The following ERC1 variants were observed in gnomAD, a reference collection of about 807,000 sequenced individuals.
The protein encoded by ERC1 is ELKS/RAB6-interacting/CAST family member 1, also known as RAB6 interacting protein 2.
A neutral mutation model predicts 132.0 loss-of-function variants in ERC1; 56 were observed. The ratio of observed to expected loss-of-function variants is 0.42; its 90% CI spans 0.34 to 0.53. The LOEUF is 0.53. Among genes scored for constraint, ERC1 ranks in the 20% least tolerant of loss-of-function variants. The probability of loss-of-function intolerance (pLI) is 0.03; values close to 1 mark genes in which losing one functional copy is unlikely to be tolerated. For synonymous variants in ERC1, 478 were observed against 476.1 expected, an observed-to-expected ratio of 1.00 and a Z score of -0.05; for missense variants, 1,202 against 1,349.9, an observed-to-expected ratio of 0.89 and a Z score of 1.72.
At chr12:1,454,845 A>G (rs2093496717) in intron 18 of ERC1, among the ~76,000 whole-genome samples, 2 of 152,218 alleles carry the variant, frequency 1.3e-5, no homozygotes, top group African/African-American at 4.8e-5. Flanking sequence ...GTCTCATACT[A>G]CTTAGGCTGT....
At chr12:1,450,015 T>C (rs2093390226) in intron 18 of ERC1, among the ~76,000 whole-genome samples, 1 of 152,190 alleles carries the variant, frequency 6.6e-6, no homozygotes, top group Admixed American at 6.5e-5. Flanking sequence ...TCAGGTATAG[T>C]ATTGGAATCT....
chr12:1,106,817 T>C (rs1242867088), intron 4 of ERC1, among the ~76,000 whole-genome samples: 3 of 152,214 alleles, frequency 2.0e-5, no homozygotes, highest in African/African-American at 7.2e-5. Context: ...CGAGTAATAG[T>C]ATTACTTGGT....
chr12:1,137,316 C>T (rs953732209), intron 7 of ERC1, among the ~76,000 whole-genome samples: 1 of 151,344 alleles, frequency 6.6e-6, no homozygotes, highest in African/African-American at 2.4e-5. Context: ...CCAGGATGGT[C>T]TCTATCTCCT....
At chr12:1,325,781 A>T (rs1352876446) in intron 15 of ERC1, among the ~76,000 whole-genome samples, 1 of 152,142 alleles carries the variant, frequency 6.6e-6, no homozygotes, top group Admixed American at 6.5e-5. Context: ...CATTTCTTTC[A>T]TGAGTATAGT....
chr12:1,446,815 A>G (rs1217102530), intron 18 of ERC1, among the ~76,000 whole-genome samples: 1 of 152,210 alleles, frequency 6.6e-6, no homozygotes, highest in African/African-American at 2.4e-5. Context: ...TGACATAGGA[A>G]TTTTAATCTC....
intron 13 of ERC1, among the ~76,000 whole-genome samples, chr12:1,240,623 T>A (rs1184990649): frequency 6.6e-6 from 1 of 152,194 alleles, no homozygotes; most frequent in Non-Finnish European, 1.5e-5. Context: ...TCCAAGTAAC[T>A]CTTTTTTCAT....
At chr12:1,055,542 A>G (rs890202116) in intron 2 of ERC1, among the ~76,000 whole-genome samples, 1 of 152,214 alleles carries the variant, frequency 6.6e-6, no homozygotes, top group African/African-American at 2.4e-5. Flanking sequence ...TATATCTTAA[A>G]TTATGTAATG....
chr12:1,143,958 T>A (rs1279070487), intron 8 of ERC1, among the ~76,000 whole-genome samples: 1 of 152,120 alleles, frequency 6.6e-6, no homozygotes, highest in Non-Finnish European at 1.5e-5. Flanking sequence ...CTCTTAAAGG[T>A]TTGGATTTTT....
chr12:1,234,656 G>A (rs1383493911), intron 12 of ERC1, among the ~76,000 whole-genome samples: 4 of 152,146 alleles, frequency 2.6e-5, no homozygotes, highest in Non-Finnish European at 5.9e-5. Context: ...GAGTTTTGAA[G>A]AAGAAAAAGG....
chr12:1,469,955 T>C (rs1386262450), intron 18 of ERC1, among the ~76,000 whole-genome samples: 2 of 130,980 alleles, frequency 1.5e-5, no homozygotes, highest in Admixed American at 1.9e-4. Flanking sequence ...TGCCCCGGGG[T>C]CACTCAGAGC....
chr12:1,471,549 G>C (rs571843858), intron 18 of ERC1, among the ~76,000 whole-genome samples: 1 of 152,356 alleles, frequency 6.6e-6, no homozygotes, highest in South Asian at 2.1e-4. Context: ...CTATTGTAGT[G>C]CGTGGTTCCA....
chr12:1,394,955 G>C (rs2090407304), intron 16 of ERC1, among the ~76,000 whole-genome samples: 1 of 152,194 alleles, frequency 6.6e-6, no homozygotes, highest in Non-Finnish European at 1.5e-5. Flanking sequence ...TAGAATAACA[G>C]AATGCACTTG....
At chr12:1,353,569 G>A (rs1595182892) in intron 15 of ERC1, among the ~76,000 whole-genome samples, 1 of 152,204 alleles carries the variant, frequency 6.6e-6, no homozygotes, top group African/African-American at 2.4e-5. Context: ...GTCAAAGCTG[G>A]TATAGGCACC....
intron 17 of ERC1, among the ~76,000 whole-genome samples, chr12:1,426,021 T>C (rs934776856): frequency 1.3e-4 from 20 of 152,230 alleles, no homozygotes; most frequent in Non-Finnish European, 1.5e-5. Context: ...ATAGCTGTTG[T>C]TTACTAACCT....
intron 12 of ERC1, among the ~76,000 whole-genome samples, chr12:1,225,487 C>CAA (rs1454435099): frequency 6.6e-6 from 1 of 151,658 alleles, no homozygotes; most frequent in Admixed American, 6.6e-5. Flanking sequence ...CACACACACA[C>CAA]ACACACGGAG....
At chr12:1,205,128 T>C (rs988234586) in intron 12 of ERC1, among the ~76,000 whole-genome samples, 1 of 152,192 alleles carries the variant, frequency 6.6e-6, no homozygotes, top group African/African-American at 2.4e-5. Context: ...ATTATTTTGA[T>C]TTTTTAGTTG....
rs79892430 is a variant in ERC1, at chr12:1,103,521, A to G, written c.1087-1229A>G. Among the ~76,000 whole-genome samples the G allele has an allele frequency of 3.4e-3, 513 of 152,298 alleles. 4 individuals carry two copies. The highest frequency in any genetic ancestry group is 0.012 in the African/African-American group (482 of 41,568). On this transcript the variant is annotated intron_variant, in intron 3 of 18. Coordinates refer to ENST00000360905, the MANE Select transcript of ERC1 (RefSeq NM_178040.4). ...AAGGTTGTTATGGATTAAAAGGTAT[A>G]TTTTTGTTTAGTGGTTCATTCCAGG...
rs550566826 is a variant in ERC1 at position 1,495,354 on chromosome 12, TCTC to T, written c.*5127_*5129del. On this transcript the variant is annotated 3_prime_UTR_variant, in exon 19 of 19. Coordinates refer to ENST00000360905, the MANE Select transcript of ERC1 (RefSeq NM_178040.4). ...CCTTTGAGCTTTTTTAGACCCTAGATCTCCTAGGCCCAGGCTCTCTCTTGACCC... is the reference window on the plus strand; with the variant it reads ...CCTTTGAGCTTTTTTAGACCCTAGATCTAGGCCCAGGCTCTCTCTTGACCC... 238 of 227,850 alleles carry T rather than the reference TCTC, an allele frequency of 1.0e-3. No individual in the cohort carries two copies. The highest frequency in any genetic ancestry group is 1.7e-3 in the Non-Finnish European group (190 of 114,664). The allele number at this position is 227,850 out of a possible 1,614,324, so 14.1% of individuals were successfully genotyped here.
At chr12:1,183,512 T>C (rs776726957) in intron 11 of ERC1, 91 bp downstream of exon 11, 65 of 804,642 alleles carry the variant, frequency 8.1e-5, no homozygotes, top group Non-Finnish European at 1.1e-4. Context: ...AATTTACCAA[T>C]GGAATAATAA....
Sources: allele counts gnomAD v4.1 joint callset (sites outside exome capture counted in the v4.1 genomes callset), GRCh38; gene constraint gnomAD v4.1.1; transcripts MANE v1.5; gene names NCBI Gene and HGNC (gene_info 2026-07-23, HGNC 2026-07-21).